LCORL: variants seen among roughly 807,000 people sequenced by gnomAD.
LCORL encodes ligand-dependent nuclear receptor corepressor-like protein.
LCORL carries 41 observed loss-of-function variants against 141.8 expected under a neutral mutation model. The observed-to-expected ratio is 0.29, with a 90% confidence interval of 0.23 to 0.38. The LOEUF (loss-of-function observed/expected upper bound fraction) is 0.38. LCORL is among the 10% of genes least tolerant of loss of function. LCORL has a pLI of 1.00. For synonymous variants in LCORL, 618 were observed against 694.1 expected (o/e 0.89, Z 1.72); for missense variants, 1,759 against 2,035.0 (o/e 0.86, Z 2.61).
exon 8 of LCORL, chr4:17,841,874 C>T (rs956935270): frequency 1.3e-5 from 2 of 155,338 alleles, no homozygotes. Context: ...TGTTTTATCA[C>T]CTTCCAAGAA....
intron 5 of LCORL, among the ~76,000 whole-genome samples, chr4:17,905,017 T>C (rs1285631996): frequency 6.6e-6 from 1 of 152,136 alleles, no homozygotes; most frequent in African/African-American, 2.4e-5. Flanking sequence ...TATATTTTTA[T>C]AATATTCTCC....
At chr4:17,915,133 C>G (rs1208992505) in intron 4 of LCORL, among the ~76,000 whole-genome samples, 1 of 152,088 alleles carries the variant, frequency 6.6e-6, no homozygotes, top group African/African-American at 2.4e-5. Flanking sequence ...CTCCTTCTCC[C>G]CTTCATTTGT....
rs1195864799 is a variant in LCORL at position 17,998,985 on chromosome 4, AATATATATATATATATATACACAC to A, written c.154+22589_154+22612del. The stretch of plus-strand genomic sequence containing the variant: ...GTCTCAAAAAAAAAAAAAAAAAAAA[AATATATATATATATATATACACAC>A]ATATATATATATATATATATAGTAT... On this transcript the variant is annotated intron_variant, in intron 1 of 7. Transcript: ENST00000635767. 5.7e-4 allele frequency among the ~76,000 whole-genome samples: 33 copies of A among 57,886 alleles called. 1 individual carries two copies. Among genetic ancestry groups the A allele is most frequent in the South Asian group, 3.0e-3 (4 of 1,334 alleles). 38.0% of individuals were successfully genotyped at this position (57,886 alleles called of 152,430 possible).
intron 4 of LCORL, among the ~76,000 whole-genome samples, chr4:17,953,548 T>C (rs1374491590): frequency 6.6e-6 from 1 of 152,206 alleles, no homozygotes; most frequent in East Asian, 1.9e-4. Context: ...TAGAACACCT[T>C]AGAATATTAG....
intron 4 of LCORL, among the ~76,000 whole-genome samples, chr4:17,937,295 C>T (rs1258605539): frequency 6.6e-6 from 1 of 152,150 alleles, no homozygotes; most frequent in Admixed American, 6.5e-5. Flanking sequence ...CAAGCTCTAG[C>T]AGCCATACTA....
At chr4:17,853,610 T>A (rs1171295025) in intron 7 of LCORL, among the ~76,000 whole-genome samples, 1 of 152,164 alleles carries the variant, frequency 6.6e-6, no homozygotes, top group African/African-American at 2.4e-5. Flanking sequence ...GAATAGTTAA[T>A]GTACTTGACA....
chr4:17,905,751 A>C lies in LCORL; in HGVS notation c.682+3343T>G, dbSNP rs539752646. On this transcript the variant is annotated intron_variant, in intron 5 of 7. Coordinates refer to ENST00000635767, the Ensembl canonical transcript of LCORL. ...ATTGTCATCTAATTTGAATAAAGCA[A>C]CTCACCAAATAAATAACTGGCTTAA... Among the ~76,000 whole-genome samples the C allele has an allele frequency of 5.3e-5, 8 of 152,226 alleles. No homozygotes were observed. The East Asian group carries it at 1.5e-3, about 29-fold the overall frequency.
At chr4:17,919,985 G>A (rs1394635701) in intron 4 of LCORL, among the ~76,000 whole-genome samples, 1 of 152,228 alleles carries the variant, frequency 6.6e-6, no homozygotes, top group Non-Finnish European at 1.5e-5. Flanking sequence ...CACACCCAGG[G>A]AGGGCATGGA....
chr4:17,879,930 G>A (rs1377982015), intron 6 of LCORL, among the ~76,000 whole-genome samples: 1 of 150,982 alleles, frequency 6.6e-6, no homozygotes, highest in African/African-American at 2.4e-5. Context: ...TGTGGTACAA[G>A]TAATCAAAAC....
rs1714342131 is a variant in LCORL, at chr4:17,963,860, C to T, written c.221-811G>A. 2.0e-5 allele frequency among the ~76,000 whole-genome samples: 3 copies of T among 152,004 alleles called. No individual in the cohort carries two copies. In the South Asian group the frequency reaches 6.2e-4, roughly 31 times the overall value. On this transcript the variant is annotated intron_variant, in intron 2 of 7. Coordinates refer to ENST00000635767, the Ensembl canonical transcript of LCORL. ...ATAAATTCATATGCAGAACCTCAAACATAAAAACCATTATCATCTAAGGCA... is the reference window on the plus strand; with the variant it reads ...ATAAATTCATATGCAGAACCTCAAATATAAAAACCATTATCATCTAAGGCA...
chr4:18,014,868 T>C (rs1724394854), intron 1 of LCORL, among the ~76,000 whole-genome samples: 1 of 152,200 alleles, frequency 6.6e-6, no homozygotes, highest in African/African-American at 2.4e-5. Context: ...AAAGATTACT[T>C]GATTACAGAT....
intron 7 of LCORL, among the ~76,000 whole-genome samples, chr4:17,854,368 A>T (rs1362935989): frequency 6.6e-6 from 1 of 152,232 alleles, no homozygotes; most frequent in African/African-American, 2.4e-5. Context: ...AGTTAATGTT[A>T]GTACTATTAG....
At chr4:17,990,044 G>C (rs1038635577) in intron 1 of LCORL, among the ~76,000 whole-genome samples, 1 of 149,924 alleles carries the variant, frequency 6.7e-6, no homozygotes, top group African/African-American at 2.5e-5. Context: ...CAGAGAATTT[G>C]AATCTCCCAC....
chr4:17,994,186 A>G (rs576566472), intron 1 of LCORL, among the ~76,000 whole-genome samples: 33 of 152,194 alleles, frequency 2.2e-4, no homozygotes, highest in Non-Finnish European at 4.3e-4. Flanking sequence ...GTTTTCTTCA[A>G]GTATCAGAAT....
exon 8 of LCORL, chr4:17,842,640 G>GT: frequency 2.9e-6 from 1 of 340,464 alleles, no homozygotes; most frequent in Middle Eastern, 9.3e-4. Flanking sequence ...ATTACATGAT[G>GT]TGACTCCTCT....
chr4:18,010,923 T>C (rs1472219968), intron 1 of LCORL, among the ~76,000 whole-genome samples: 1 of 152,140 alleles, frequency 6.6e-6, no homozygotes, highest in African/African-American at 2.4e-5. Flanking sequence ...GAAGGATGCA[T>C]CAAAAGCACA....
intron 1 of LCORL, among the ~76,000 whole-genome samples, chr4:18,003,102 G>A (rs1177354445): frequency 6.6e-6 from 1 of 152,150 alleles, no homozygotes; most frequent in African/African-American, 2.4e-5. Flanking sequence ...ATTTGGGGGT[G>A]CTATAATTTT....
At chr4:17,933,415 T>C (rs1180767306) in intron 4 of LCORL, among the ~76,000 whole-genome samples, 1 of 152,132 alleles carries the variant, frequency 6.6e-6, no homozygotes, top group Non-Finnish European at 1.5e-5. Flanking sequence ...GCCATTTTCA[T>C]AGCTTTCTCC....
At chr4:17,992,436 G>A (rs1720191555) in intron 1 of LCORL, among the ~76,000 whole-genome samples, 1 of 152,112 alleles carries the variant, frequency 6.6e-6, no homozygotes. Context: ...CTATATCACT[G>A]CTTGTCATAA....
Sources: allele counts gnomAD v4.1 joint callset (sites outside exome capture counted in the v4.1 genomes callset), GRCh38; gene constraint gnomAD v4.1.1; transcripts MANE v1.5; gene names NCBI Gene and HGNC (gene_info 2026-07-23, HGNC 2026-07-21).